DAB1: variants seen among roughly 807,000 people sequenced by gnomAD.
The protein encoded by DAB1 is DAB adaptor protein 1.
In DAB1, 15 loss-of-function variants were observed where a neutral mutation model predicts 64.6. That is an observed-to-expected ratio of 0.23 (90% CI 0.16 to 0.36). The LOEUF is 0.36. Ranked by LOEUF, DAB1 falls within the 10% of genes least tolerant of loss-of-function variation. The pLI, the probability that DAB1 is intolerant of heterozygous loss-of-function variation, is 1.00. For missense variants in DAB1, 596 were observed against 706.7 expected (o/e 0.84, Z 1.78); for synonymous variants, 235 against 251.9 (o/e 0.93, Z 0.64).
downstream of DAB1, among the ~76,000 whole-genome samples, chr1:57,824,876 G>T (rs1652276112): frequency 6.6e-6 from 1 of 152,168 alleles, no homozygotes; most frequent in Non-Finnish European, 1.5e-5. Context: ...TTGGGAGAAA[G>T]AGCTGACAGG....
intron 3 of DAB1, among the ~76,000 whole-genome samples, chr1:58,386,308 G>C (rs924931370): frequency 5.9e-5 from 9 of 152,134 alleles, no homozygotes; most frequent in Non-Finnish European, 1.2e-4. Flanking sequence ...TGAATAGTTT[G>C]ATACGTTCTA....
At chr1:57,476,268 T>C (rs1570555129) in intron 7 of DAB1, among the ~76,000 whole-genome samples, 1 of 149,936 alleles carries the variant, frequency 6.7e-6, no homozygotes, top group South Asian at 2.1e-4. Context: ...AAAAAACCAG[T>C]ATAGTCATGA....
At chr1:58,403,951 TTTACA>T (rs1297148812) in intron 3 of DAB1, among the ~76,000 whole-genome samples, 1 of 152,208 alleles carries the variant, frequency 6.6e-6, no homozygotes, top group East Asian at 1.9e-4. Context: ...AAGACTCAAA[TTTACA>T]TTATGGAAAA....
At chr1:57,683,110 A>C (rs1430181585) in intron 6 of DAB1, among the ~76,000 whole-genome samples, 1 of 152,198 alleles carries the variant, frequency 6.6e-6, no homozygotes, top group African/African-American at 2.4e-5. Context: ...TAAGAGTGCC[A>C]AGCCAAGATC....
Position 57,999,403 on chromosome 1 carries a change from A to C in DAB1, n.388-115241T>G, listed in dbSNP as rs141986186. Among the ~76,000 whole-genome samples the C allele has an allele frequency of 6.1e-3, 935 of 152,324 alleles. 10 individuals are homozygous for C. The highest frequency in any genetic ancestry group is 0.035 in the South Asian group (171 of 4,818). On this transcript the variant is annotated intron_variant and non_coding_transcript_variant, in intron 5 of 20. Transcript: ENST00000485760. ...CGATTGCCTCAAAATCTCCAGGGGT[A>C]GGATCAGCACTTTGTGTTTTAACAA...
intron 9 of DAB1, among the ~76,000 whole-genome samples, chr1:57,060,164 T>TATTTTATTTTATTTTATTTTATTTC (rs1439513954): frequency 6.8e-6 from 1 of 146,402 alleles, no homozygotes; most frequent in Non-Finnish European, 1.5e-5. Flanking sequence ...TATTTTATTT[T>TATTTTATTTTATTTTATTTTATTTC]ATTTGAGACG....
chr1:57,043,602 T>C (rs1648075748), intron 9 of DAB1, among the ~76,000 whole-genome samples: 1 of 152,164 alleles, frequency 6.6e-6, no homozygotes, highest in South Asian at 2.1e-4. Flanking sequence ...ATCCCAGCAC[T>C]TTGGGAGGCT....
At chr1:58,496,710 G>A (rs538154739) in intron 3 of DAB1, among the ~76,000 whole-genome samples, 5 of 152,036 alleles carry the variant, frequency 3.3e-5, no homozygotes, top group African/African-American at 1.2e-4. Flanking sequence ...TACACTTACC[G>A]TTCTGATTTT....
Position 57,897,925 on chromosome 1 carries a change from T to C in DAB1, n.388-13763A>G, listed in dbSNP as rs534516322. On this transcript the variant is annotated intron_variant and non_coding_transcript_variant, in intron 5 of 20. Transcript: ENST00000485760. ...ATCTGGGAAAGGAAAGAGAAGCATG[T>C]TGAACTGAAAGGAGCAGATGTTTCG... Among the ~76,000 whole-genome samples the C allele has an allele frequency of 7.2e-5, 11 of 152,270 alleles. No homozygotes were observed. The East Asian group carries it at 2.1e-3, about 29-fold the overall frequency.
intron 2 of DAB1, among the ~76,000 whole-genome samples, chr1:57,153,413 A>G (rs1447100448): frequency 2.0e-5 from 3 of 152,182 alleles, no homozygotes; most frequent in African/African-American, 7.2e-5. Context: ...TTTCTCAGGT[A>G]CCAGCAGATT....
At chr1:58,488,306 A>C (rs1441464512) in intron 3 of DAB1, among the ~76,000 whole-genome samples, 1 of 152,114 alleles carries the variant, frequency 6.6e-6, no homozygotes, top group Non-Finnish European at 1.5e-5. Flanking sequence ...GATGATTGGA[A>C]CCATAACTTT....
chr1:58,153,487 C>T (rs763490185), intron 4 of DAB1, among the ~76,000 whole-genome samples: 1 of 152,118 alleles, frequency 6.6e-6, no homozygotes, highest in African/African-American at 2.4e-5. Context: ...CTGCTGTTGG[C>T]CCTGCCACAC....
intron 1 of DAB1, among the ~76,000 whole-genome samples, chr1:57,873,124 G>A (rs1457131844): frequency 6.6e-6 from 1 of 152,060 alleles, no homozygotes; most frequent in African/African-American, 2.4e-5. Context: ...AAGGGTCTTA[G>A]GTGTCAAGCT....
chr1:57,745,866 T>C (rs6682192), intron 6 of DAB1, among the ~76,000 whole-genome samples: 59,235 of 152,070 alleles, frequency 0.39, 11,790 homozygotes, highest in Admixed American at 0.44. Flanking sequence ...ATATCTTTAA[T>C]AGTCTATTAT....
chr1:57,675,056 T>C (rs1336915449), intron 6 of DAB1, among the ~76,000 whole-genome samples: 2 of 152,202 alleles, frequency 1.3e-5, no homozygotes, highest in Non-Finnish European at 2.9e-5. Flanking sequence ...TTGCACCATA[T>C]ATTGAGATAG....
intron 7 of DAB1, among the ~76,000 whole-genome samples, chr1:57,485,666 G>A (rs995867482): frequency 4.6e-5 from 7 of 152,152 alleles, no homozygotes; most frequent in African/African-American, 1.7e-4. Flanking sequence ...TAAGCACCAT[G>A]AGCCTTAGTT....
intron 9 of DAB1, among the ~76,000 whole-genome samples, chr1:57,036,995 T>C (rs928087984): frequency 6.6e-6 from 1 of 152,192 alleles, no homozygotes; most frequent in Non-Finnish European, 1.5e-5. Context: ...TTTTTATGGC[T>C]TCCAAATCAG....
chr1:57,791,321 TTA>T (rs1650588373), intron 6 of DAB1, among the ~76,000 whole-genome samples: 1 of 152,230 alleles, frequency 6.6e-6, no homozygotes, highest in South Asian at 2.1e-4. Context: ...TATGATCCTT[TTA>T]CACACAGATC....
rs1347312313 is a variant in DAB1 at position 57,116,443 on chromosome 1, T to C, written c.306+20100A>G. On this transcript the variant is annotated intron_variant, in intron 4 of 14. Coordinates refer to ENST00000371236, the MANE Select transcript of DAB1 (RefSeq NM_001365792.1). Reference sequence around the variant, plus strand: ...CGCCATTGCACTCCAGCCTGGGCAATAGAGTGAGACTCTGTCTCAAAAAAA... The same window carrying C: ...CGCCATTGCACTCCAGCCTGGGCAACAGAGTGAGACTCTGTCTCAAAAAAA... Among the ~76,000 whole-genome samples, 25 of 107,252 alleles carry C rather than the reference T, an allele frequency of 2.3e-4. 1 individual carries two copies. The highest frequency in any genetic ancestry group is 5.2e-5 in the Non-Finnish European group (3 of 58,056). The allele number at this position is 107,252 out of a possible 152,430, so 70.4% of individuals were successfully genotyped here.
Sources: gnomAD v4.1 joint callset for allele counts (sites outside exome capture counted in the v4.1 genomes callset) on GRCh38, gnomAD v4.1.1 for gene constraint, MANE v1.5 for transcripts, NCBI Gene and HGNC (gene_info 2026-07-23, HGNC 2026-07-21) for gene names.